Variants in EPHA6 observed in about 807,000 individuals in gnomAD.
EPHA6 encodes EPH receptor A6.
In EPHA6, 50 loss-of-function variants were observed where a neutral mutation model predicts 112.0. The observed-to-expected ratio is 0.45, with a 90% CI of 0.36 to 0.56. EPHA6 has a LOEUF of 0.56. EPHA6 is among the 20% of genes least tolerant of loss of function. EPHA6 has a pLI of 0.00. For synonymous variants in EPHA6, 529 were observed against 490.7 expected (o/e 1.08, Z -1.03); for missense variants, 1,280 against 1,417.4 (o/e 0.90, Z 1.56).
At chr3:97,456,031 ATGT>A (rs1028369302) in intron 7 of EPHA6, among the ~76,000 whole-genome samples, 1 of 152,034 alleles carries the variant, frequency 6.6e-6, no homozygotes, top group Non-Finnish European at 1.5e-5. Flanking sequence ...AGGTACTTAG[ATGT>A]TGTAAAATGT....
intron 11 of EPHA6, among the ~76,000 whole-genome samples, chr3:97,582,545 C>G (rs1193957189): frequency 1.3e-5 from 2 of 152,108 alleles, no homozygotes; most frequent in African/African-American, 4.8e-5. Flanking sequence ...TATCTTGCCA[C>G]CAACACCCTA....
chr3:96,876,703 A>G (rs2036976033), intron 2 of EPHA6, among the ~76,000 whole-genome samples: 2 of 151,974 alleles, frequency 1.3e-5, no homozygotes, highest in Admixed American at 1.3e-4. Flanking sequence ...TTTCTTCCAT[A>G]TGACTTGCTT....
intron 2 of EPHA6, among the ~76,000 whole-genome samples, chr3:96,869,389 A>C (rs1319465863): frequency 2.6e-5 from 4 of 151,288 alleles, no homozygotes; most frequent in South Asian, 4.2e-4. Flanking sequence ...AAAAAAAAAA[A>C]CGTGAAGGAA....
At chr3:97,375,947 G>C (rs2085325312) in intron 5 of EPHA6, among the ~76,000 whole-genome samples, 1 of 152,060 alleles carries the variant, frequency 6.6e-6, no homozygotes, top group South Asian at 2.1e-4. Flanking sequence ...AATGGGACAA[G>C]CCTAATATTT....
At chr3:97,154,323 G>A (rs2076240864) in intron 3 of EPHA6, among the ~76,000 whole-genome samples, 1 of 151,684 alleles carries the variant, frequency 6.6e-6, no homozygotes, top group South Asian at 2.1e-4. Flanking sequence ...TTTCTACTAT[G>A]TACCCTTTAA....
chr3:97,341,723 C>A (rs947932182), intron 5 of EPHA6, among the ~76,000 whole-genome samples: 23 of 152,066 alleles, frequency 1.5e-4, no homozygotes, highest in Admixed American at 3.3e-4. Context: ...CAATGTTTTA[C>A]ATATATAATC....
chr3:97,051,960 G>T (rs569519701), intron 3 of EPHA6, among the ~76,000 whole-genome samples: 1 of 152,232 alleles, frequency 6.6e-6, no homozygotes, highest in Non-Finnish European at 1.5e-5. Flanking sequence ...TCGTGATAAT[G>T]ATGACAATTA....
At chr3:97,175,913 G>A (rs1576621227) in intron 3 of EPHA6, among the ~76,000 whole-genome samples, 1 of 151,678 alleles carries the variant, frequency 6.6e-6, no homozygotes, top group East Asian at 1.9e-4. Flanking sequence ...TTTTCTGATT[G>A]CTCTAGATAG....
At chr3:97,456,607 T>C (rs2090695508) in intron 7 of EPHA6, among the ~76,000 whole-genome samples, 1 of 152,134 alleles carries the variant, frequency 6.6e-6, no homozygotes, top group Non-Finnish European at 1.5e-5. Flanking sequence ...TTTATTTTTG[T>C]TTATTTTGTA....
At chr3:97,083,308 G>A (rs1297674880) in intron 3 of EPHA6, among the ~76,000 whole-genome samples, 1 of 151,932 alleles carries the variant, frequency 6.6e-6, no homozygotes, top group East Asian at 1.9e-4. Context: ...GTGTGACAGT[G>A]ATCTCATGGT....
intron 14 of EPHA6, among the ~76,000 whole-genome samples, chr3:97,704,370 C>T (rs1166937319): frequency 1.3e-5 from 2 of 152,160 alleles, no homozygotes; most frequent in African/African-American, 2.4e-5. Context: ...GGCAGAGGAA[C>T]GGTGAATTCT....
chr3:97,758,159 G>C lies in EPHA6; in HGVS notation c.*9458G>C, dbSNP rs1382799002. Among the ~76,000 whole-genome samples the C allele has an allele frequency of 6.6e-6, 1 of 151,932 alleles. No homozygotes were observed. Among genetic ancestry groups the C allele is most frequent in the Non-Finnish European group, 1.5e-5 (1 of 67,852 alleles). ...AGGATACTTCAAACAAGAGTGAAAAGCTACTCCATTTACGTGTAATCTGCT... is the reference window on the plus strand; with the variant it reads ...AGGATACTTCAAACAAGAGTGAAAACCTACTCCATTTACGTGTAATCTGCT... On this transcript the variant is annotated 3_prime_UTR_variant, in exon 18 of 18. Transcript: ENST00000389672.
At chr3:97,372,217 G>A (rs977160206) in intron 5 of EPHA6, among the ~76,000 whole-genome samples, 47 of 151,906 alleles carry the variant, frequency 3.1e-4, no homozygotes, top group African/African-American at 6.8e-4. Flanking sequence ...TGTCTCCCCC[G>A]GACACCCAGG....
intron 5 of EPHA6, among the ~76,000 whole-genome samples, chr3:97,314,470 T>G (rs60976646): frequency 0.058 from 8,753 of 151,618 alleles, 724 homozygotes; most frequent in African/African-American, 0.19. Context: ...TAGAAACCAT[T>G]CTAAGGATTA....
chr3:97,543,951 G>A (rs961284080), intron 11 of EPHA6, among the ~76,000 whole-genome samples: 7 of 152,180 alleles, frequency 4.6e-5, no homozygotes, highest in African/African-American at 1.2e-4. Context: ...TGTATCCTGA[G>A]ACTTTGCTGA....
intron 2 of EPHA6, among the ~76,000 whole-genome samples, chr3:96,959,003 T>G (rs1333565342): frequency 6.6e-6 from 1 of 152,230 alleles, no homozygotes; most frequent in Admixed American, 6.5e-5. Flanking sequence ...AGCGTATGTT[T>G]TAAATTCTCT....
At position 97,479,348 on chromosome 3, in the gene EPHA6, C is replaced by T. The variant is rs542351480; in HGVS notation, c.2058C>T (p.His686=). 2 of 1,606,010 alleles carry T rather than the reference C, an allele frequency of 1.2e-6. No homozygotes were observed. The highest frequency in any genetic ancestry group is 1.7e-4 in the Middle Eastern group (1 of 6,012). Residue 686 remains histidine, a synonymous_variant, in exon 9 of 18, where the codon CAC becomes CAT. Coordinates refer to ENST00000389672, the MANE Select transcript of EPHA6 (RefSeq NM_001080448.3). ...AGTCAGAAGAGAAGAGAAGAAACCA[C>T]TTACAGAATGGGCATTGTAAGTAGC... ...KMKSEEKRRN[H]LQNGHLRFPG...
At chr3:96,992,700 T>G (rs914254691) in intron 3 of EPHA6, among the ~76,000 whole-genome samples, 4 of 152,242 alleles carry the variant, frequency 2.6e-5, no homozygotes, top group Non-Finnish European at 5.9e-5. Context: ...CCTGTTCTTT[T>G]GTAACCTCAG....
chr3:97,020,870 G>A (rs1028778840), intron 3 of EPHA6, among the ~76,000 whole-genome samples: 3 of 152,004 alleles, frequency 2.0e-5, no homozygotes, highest in African/African-American at 7.3e-5. Flanking sequence ...GCTTGTGGGA[G>A]TTATTTATAT....
Sources: gnomAD v4.1 joint callset for allele counts (sites outside exome capture counted in the v4.1 genomes callset) on GRCh38, gnomAD v4.1.1 for gene constraint, MANE v1.5 for transcripts, NCBI Gene and HGNC (gene_info 2026-07-23, HGNC 2026-07-21) for gene names.